The following CSMD1 variants were observed in gnomAD, a reference collection of about 807,000 sequenced individuals.
CSMD1 encodes CUB and Sushi multiple domains 1, also known as CUB and sushi domain-containing protein 1.
In CSMD1, 213 loss-of-function variants were observed where a neutral mutation model predicts 417.5. The observed-to-expected ratio is 0.51, with a 90% CI of 0.46 to 0.57. The LOEUF (loss-of-function observed/expected upper bound fraction) is 0.57, where lower values mean the gene tolerates loss of function less well. Ranked by LOEUF, CSMD1 falls within the 20% of genes least tolerant of loss-of-function variation. CSMD1 has a pLI of 0.00. For synonymous variants in CSMD1, 2,862 were observed against 1,736.8 expected, an observed-to-expected ratio of 1.65 and a Z score of -16.11; for missense variants, 6,923 against 4,529.7, an observed-to-expected ratio of 1.53 and a Z score of -15.17.
rs1175537191 is a variant in CSMD1 at position 3,193,003 on chromosome 8, G to A, written c.5195-2888C>T. 2.6e-5 allele frequency among the ~76,000 whole-genome samples: 4 copies of A among 151,848 alleles called. No individual in the cohort carries two copies. The East Asian group carries it at 5.8e-4, about 22-fold the overall frequency. The stretch of plus-strand genomic sequence containing the variant: ...TCAAGGATCTTCCACAAAATGAAGC[G>A]CTATTGCCAGTTTTTCTACTTACAC... On this transcript the variant is annotated intron_variant, in intron 33 of 69. Coordinates refer to ENST00000635120, the MANE Select transcript of CSMD1 (RefSeq NM_033225.6).
intron 3 of CSMD1, among the ~76,000 whole-genome samples, chr8:4,044,942 T>C (rs192104053): frequency 6.6e-6 from 1 of 152,330 alleles, no homozygotes; most frequent in East Asian, 1.9e-4. Context: ...CCCCATGGCA[T>C]CTGAGAGTAA....
intron 23 of CSMD1, among the ~76,000 whole-genome samples, chr8:3,341,713 G>A (rs541164064): frequency 6.6e-6 from 1 of 152,250 alleles, no homozygotes; most frequent in South Asian, 2.1e-4. Context: ...TGTGTTCAGT[G>A]GCAAGAGAAC....
intron 3 of CSMD1, among the ~76,000 whole-genome samples, chr8:4,397,287 C>G (rs527316943): frequency 2.0e-5 from 3 of 152,188 alleles, no homozygotes; most frequent in Admixed American, 2.0e-4. Context: ...GTTACCTAAG[C>G]AGAACATTGT....
At chr8:4,513,165 T>A (rs372330548) in intron 2 of CSMD1, among the ~76,000 whole-genome samples, 1 of 152,144 alleles carries the variant, frequency 6.6e-6, no homozygotes, top group Non-Finnish European at 1.5e-5. Flanking sequence ...AATCGAAATA[T>A]GTCAAAGTAG....
At chr8:3,566,526 A>T (rs1378258047) in intron 10 of CSMD1, among the ~76,000 whole-genome samples, 1 of 127,540 alleles carries the variant, frequency 7.8e-6, no homozygotes, top group Non-Finnish European at 1.8e-5. Context: ...CACCCAACCC[A>T]CCTCACCTCC....
intron 1 of CSMD1, among the ~76,000 whole-genome samples, chr8:4,968,675 C>A (rs75443990): frequency 0.12 from 17,502 of 152,138 alleles, 1,137 homozygotes; most frequent in Middle Eastern, 0.22. Context: ...AAAGACTTAG[C>A]TATCTCTGCT....
At chr8:4,251,859 A>G (rs549635657) in intron 3 of CSMD1, among the ~76,000 whole-genome samples, 60 of 127,172 alleles carry the variant, frequency 4.7e-4, no homozygotes, top group African/African-American at 1.7e-3. Context: ...GGAGAGATGG[A>G]GGAGAGAGAG....
At chr8:4,755,775 G>C (rs1375040385) in intron 1 of CSMD1, among the ~76,000 whole-genome samples, 1 of 152,086 alleles carries the variant, frequency 6.6e-6, no homozygotes, top group South Asian at 2.1e-4. Context: ...CCTCCAAAAT[G>C]TCTTCATGAA....
chr8:3,187,514 T>G (rs1017526179), intron 36 of CSMD1, among the ~76,000 whole-genome samples: 1 of 152,170 alleles, frequency 6.6e-6, no homozygotes, highest in Non-Finnish European at 1.5e-5. Context: ...CCCAGATTGC[T>G]TAATGTCAGG....
intron 10 of CSMD1, among the ~76,000 whole-genome samples, chr8:3,498,805 T>A (rs986160317): frequency 1.3e-5 from 2 of 152,182 alleles, no homozygotes; most frequent in Non-Finnish European, 2.9e-5. Flanking sequence ...ATTTTTTAAA[T>A]TGTATTCATT....
chr8:3,750,766 G>A (rs1384481341), intron 6 of CSMD1, among the ~76,000 whole-genome samples: 1 of 152,120 alleles, frequency 6.6e-6, no homozygotes, highest in East Asian at 1.9e-4. Context: ...GGCTGGCAGG[G>A]ACTCTGAGAA....
At chr8:3,266,115 G>T (rs935575576) in intron 26 of CSMD1, among the ~76,000 whole-genome samples, 5 of 151,392 alleles carry the variant, frequency 3.3e-5, no homozygotes, top group African/African-American at 7.3e-5. Context: ...TGCAAAGAGA[G>T]AGTATGTGCA....
chr8:2,979,324 A>C (rs914377882), intron 54 of CSMD1, among the ~76,000 whole-genome samples: 2 of 152,236 alleles, frequency 1.3e-5, no homozygotes, highest in African/African-American at 2.4e-5. Flanking sequence ...AGAAATGCAA[A>C]TCAAGCCAGC....
intron 3 of CSMD1, among the ~76,000 whole-genome samples, chr8:4,198,286 C>G (rs903694922): frequency 7.9e-5 from 12 of 152,224 alleles, no homozygotes; most frequent in Non-Finnish European, 2.9e-5. Context: ...AAGGTAAACC[C>G]CAGAGAAGTG....
At chr8:4,979,045 G>T (rs1041316569) in intron 1 of CSMD1, among the ~76,000 whole-genome samples, 2 of 152,094 alleles carry the variant, frequency 1.3e-5, no homozygotes, top group Non-Finnish European at 2.9e-5. Flanking sequence ...TCCTCTCATC[G>T]TTCTTTTCAT....
chr8:4,214,642 A>C (rs1192358936), intron 3 of CSMD1, among the ~76,000 whole-genome samples: 1 of 152,052 alleles, frequency 6.6e-6, no homozygotes, highest in Non-Finnish European at 1.5e-5. Flanking sequence ...ATGTATTTGC[A>C]TGCACGTGTA....
chr8:4,211,581 G>C (rs1452246859), intron 3 of CSMD1, among the ~76,000 whole-genome samples: 1 of 152,124 alleles, frequency 6.6e-6, no homozygotes, highest in East Asian at 1.9e-4. Flanking sequence ...TAGAAGTTTT[G>C]CTGAAACGGC....
intron 38 of CSMD1, 90 bp from the exon 39 acceptor site, chr8:3,158,056 TC>T: frequency 9.2e-7 from 1 of 1,089,168 alleles, no homozygotes; most frequent in South Asian, 1.5e-5. Context: ...TTTTTTCCTT[TC>T]TTGTTTTAAT....
At chr8:4,779,759 C>A (rs564417016) in intron 1 of CSMD1, among the ~76,000 whole-genome samples, 47 of 152,070 alleles carry the variant, frequency 3.1e-4, no homozygotes, top group Non-Finnish European at 6.0e-4. Context: ...CTGCTAATTG[C>A]GGTTTGCTGA....
Sources: gnomAD v4.1 joint callset for allele counts (sites outside exome capture counted in the v4.1 genomes callset) on GRCh38, gnomAD v4.1.1 for gene constraint, MANE v1.5 for transcripts, NCBI Gene and HGNC (gene_info 2026-07-23, HGNC 2026-07-21) for gene names.